LEMD1: variants seen among roughly 807,000 people sequenced by gnomAD.
The protein encoded by LEMD1 is LEM domain-containing protein 1.
LEMD1 carries 18 observed loss-of-function variants against 17.4 expected under a neutral mutation model. That is an observed-to-expected ratio of 1.04 (90% CI 0.72 to 1.54). The LOEUF (loss-of-function observed/expected upper bound fraction) is 1.54. Among genes scored for constraint, LEMD1 ranks in the 40% most tolerant of loss-of-function variants. LEMD1 has a pLI of 0.00. For synonymous variants in LEMD1, 88 were observed against 77.8 expected (o/e 1.13, Z -0.69); for missense variants, 195 against 210.4 (o/e 0.93, Z 0.45).
At chr1:205,401,432 T>G (rs563309738) in intron 4 of LEMD1, among the ~76,000 whole-genome samples, 47 of 151,748 alleles carry the variant, frequency 3.1e-4, no homozygotes, top group African/African-American at 1.1e-3. Flanking sequence ...TTGATTTGCA[T>G]TTCTCTGATG....
intron 4 of LEMD1, among the ~76,000 whole-genome samples, chr1:205,414,451 G>C (rs1032442536): frequency 6.6e-6 from 1 of 151,802 alleles, no homozygotes; most frequent in Non-Finnish European, 1.5e-5. Flanking sequence ...TTGAGATGGG[G>C]TCTCATGCTA....
chr1:205,383,390 C>T (rs914034886), intron 5 of LEMD1, among the ~76,000 whole-genome samples: 3 of 152,082 alleles, frequency 2.0e-5, no homozygotes, highest in Non-Finnish European at 2.9e-5. Flanking sequence ...CCACTGTGCC[C>T]AGCCAACATG....
chr1:205,411,305 C>T (rs1207547153), intron 4 of LEMD1, among the ~76,000 whole-genome samples: 4 of 150,988 alleles, frequency 2.6e-5, no homozygotes, highest in East Asian at 2.0e-4. Context: ...CAGTGGCTCA[C>T]GCCTGTAATC....
intron 4 of LEMD1, among the ~76,000 whole-genome samples, chr1:205,413,896 C>T (rs1665573178): frequency 6.6e-6 from 1 of 152,070 alleles, no homozygotes; most frequent in Non-Finnish European, 1.5e-5. Flanking sequence ...TCAAGTGATC[C>T]ACCCATCTTA....
At chr1:205,400,843 T>TCCCCCCCCCCCCC (rs58251224) in intron 4 of LEMD1, among the ~76,000 whole-genome samples, 4 of 79,684 alleles carry the variant, frequency 5.0e-5, no homozygotes, top group East Asian at 7.5e-4. Flanking sequence ...ATGCTATCCC[T>TCCCCCCCCCCCCC]CCCCCCCCCC....
At chr1:205,411,469 T>C (rs1003552389) in intron 4 of LEMD1, among the ~76,000 whole-genome samples, 3 of 148,424 alleles carry the variant, frequency 2.0e-5, no homozygotes, top group African/African-American at 7.5e-5. Context: ...GGCAGGAGAA[T>C]GGCGTGAACC....
At chr1:205,427,340 T>A (rs575121335) in intron 1 of LEMD1, among the ~76,000 whole-genome samples, 1 of 151,958 alleles carries the variant, frequency 6.6e-6, no homozygotes, top group Non-Finnish European at 1.5e-5. Context: ...TTCTTGCTGA[T>A]GAGGGGACAT....
upstream of LEMD1, among the ~76,000 whole-genome samples, chr1:205,424,640 G>A (rs113173339): frequency 2.9e-4 from 44 of 152,278 alleles, no homozygotes; most frequent in African/African-American, 9.9e-4. Context: ...AGCATCCAAA[G>A]GTACATTGAA....
intron 4 of LEMD1, among the ~76,000 whole-genome samples, chr1:205,399,971 G>A (rs907338981): frequency 2.0e-5 from 3 of 152,238 alleles, no homozygotes; most frequent in Non-Finnish European, 4.4e-5. Flanking sequence ...AGGCTAACGA[G>A]TGAGGGTCTG....
At chr1:205,427,779 A>C (rs1300818274) in intron 1 of LEMD1, among the ~76,000 whole-genome samples, 2 of 152,300 alleles carry the variant, frequency 1.3e-5, no homozygotes, top group Non-Finnish European at 2.9e-5. Flanking sequence ...TGAAATGGAG[A>C]AGGAATGAGG....
intron 4 of LEMD1, among the ~76,000 whole-genome samples, chr1:205,410,161 A>G (rs1247986997): frequency 6.6e-6 from 1 of 152,052 alleles, no homozygotes; most frequent in Non-Finnish European, 1.5e-5. Flanking sequence ...GGCTCAAGTG[A>G]TCCTCCTGCC....
intron 1 of LEMD1, among the ~76,000 whole-genome samples, chr1:205,431,748 T>C (rs975669861): frequency 6.6e-6 from 1 of 152,102 alleles, no homozygotes; most frequent in African/African-American, 2.4e-5. Context: ...GACTGAGTCT[T>C]GCTCTGTTGC....
intron 4 of LEMD1, among the ~76,000 whole-genome samples, chr1:205,392,428 G>C (rs1484726144): frequency 6.6e-6 from 1 of 152,020 alleles, no homozygotes; most frequent in Non-Finnish European, 1.5e-5. Flanking sequence ...TGTAGTCCCA[G>C]CTACTCGGGA....
chr1:205,449,090 G>C (rs544360655), intron 1 of LEMD1, among the ~76,000 whole-genome samples: 1 of 152,244 alleles, frequency 6.6e-6, no homozygotes, highest in Non-Finnish European at 1.5e-5. Flanking sequence ...CCCAAGCTGA[G>C]GGCAGCTCAC....
At position 205,407,539 on chromosome 1, in the gene LEMD1, C is replaced by T. The variant is rs562225972; in HGVS notation, c.270+8693G>A. The stretch of plus-strand genomic sequence containing the variant: ...GCATTAAGGTACTTAGAGGGCAGCG[C>T]GCCCAGAGAAAGCATGGAAACTCTG... On this transcript the variant is annotated intron_variant, in intron 4 of 5. Coordinates refer to ENST00000367153, the MANE Select transcript of LEMD1 (RefSeq NM_001199050.2). Among the ~76,000 whole-genome samples, 8 of 152,216 alleles carry T rather than the reference C, an allele frequency of 5.3e-5. No individual in the cohort carries two copies. In the South Asian group the frequency reaches 8.3e-4, roughly 16 times the overall value.
intron 4 of LEMD1, among the ~76,000 whole-genome samples, chr1:205,399,711 GGGA>G (rs1664750263): frequency 6.6e-6 from 1 of 152,218 alleles, no homozygotes; most frequent in Non-Finnish European, 1.5e-5. Flanking sequence ...AGCCAAATCT[GGGA>G]GGATTTGAGT....
chr1:205,420,707 A>G, intron 1 of LEMD1, 133 bp from the exon 2 acceptor site: 1 of 591,540 alleles, frequency 1.7e-6, no homozygotes, highest in Non-Finnish European at 3.0e-6. Flanking sequence ...GCAAAAATCA[A>G]CACTTTCTAG....
intron 4 of LEMD1, among the ~76,000 whole-genome samples, chr1:205,414,580 AC>A (rs1665605925): frequency 6.6e-6 from 1 of 151,958 alleles, no homozygotes; most frequent in African/African-American, 2.4e-5. Flanking sequence ...GTGCACCACC[AC>A]ACCCAGCCAG....
chr1:205,445,638 G>C (rs12121596), intron 1 of LEMD1, among the ~76,000 whole-genome samples: 32,946 of 152,198 alleles, frequency 0.22, 4,426 homozygotes, highest in Non-Finnish European at 0.31. Context: ...CAGTGGTTCT[G>C]AGATTCTTGG....
Sources: allele counts gnomAD v4.1 joint callset (sites outside exome capture counted in the v4.1 genomes callset), GRCh38; gene constraint gnomAD v4.1.1; transcripts MANE v1.5; gene names NCBI Gene and HGNC (gene_info 2026-07-23, HGNC 2026-07-21).